The following ARL13B variants were observed in gnomAD, a reference collection of about 807,000 sequenced individuals.
The protein encoded by ARL13B is ADP-ribosylation factor-like protein 13B.
ARL13B carries 36 observed loss-of-function variants against 56.1 expected under a neutral mutation model. The observed-to-expected ratio is 0.64, with a 90% CI of 0.49 to 0.85. The LOEUF is 0.85. ARL13B is among the 40% of genes least tolerant of loss of function. The pLI is 0.00. For missense variants in ARL13B, 519 were observed against 507.1 expected (o/e 1.02, Z -0.23); for synonymous variants, 178 against 171.1 (o/e 1.04, Z -0.32).
chr3:94,031,503 G>T (rs930891087), intron 3 of ARL13B, among the ~76,000 whole-genome samples: 2 of 152,038 alleles, frequency 1.3e-5, no homozygotes, highest in African/African-American at 4.8e-5. Context: ...AAAGACTGTT[G>T]GAGTTGTACC....
chr3:94,013,508 A>G (rs547789130), intron 3 of ARL13B, among the ~76,000 whole-genome samples: 114 of 152,356 alleles, frequency 7.5e-4, no homozygotes, highest in African/African-American at 2.7e-3. Flanking sequence ...GTATGGACCC[A>G]AGTTCAAGAA....
At chr3:94,035,576 C>T in intron 4 of ARL13B, 140 bp downstream of exon 4, 1 of 612,998 alleles carries the variant, frequency 1.6e-6, no homozygotes, top group South Asian at 2.2e-5. Flanking sequence ...ATCACATTCC[C>T]ATTTTTCTGT....
rs185019274 is a variant in ARL13B at position 94,031,240 on chromosome 3, G to A, written c.381-4091G>A. 1.6e-3 allele frequency among the ~76,000 whole-genome samples: 249 copies of A among 151,660 alleles called. 1 individual carries two copies. The highest frequency in any genetic ancestry group is 6.8e-3 in the Middle Eastern group (2 of 294). On this transcript the variant is annotated intron_variant, in intron 3 of 9. Coordinates refer to ENST00000394222, the MANE Select transcript of ARL13B (RefSeq NM_001174150.2). ...TTAAGAAGCTAAGTAAAACTTGGTA[G>A]TTGATTTGAAATGAAAAAATCAACA...
In ARL13B at chr3:93,980,158, T is replaced by G; in HGVS notation, c.-266T>G. The G allele has an allele frequency of 1.6e-6, 1 of 623,220 alleles. No individual in the cohort carries two copies. The highest frequency in any genetic ancestry group is 2.9e-6 in the Non-Finnish European group (1 of 341,962). The allele number at this position is 623,220 out of a possible 1,614,324, so 38.6% of individuals were successfully genotyped here. A position where few individuals can be genotyped will look rare whatever the true frequency, so the allele number is the denominator to read the frequency against. On this transcript the variant is annotated 5_prime_UTR_variant, in exon 1 of 10. Coordinates refer to ENST00000394222, the MANE Select transcript of ARL13B (RefSeq NM_001174150.2). ...AACGTCAGCACGTCGACGCGGGGCTTTTCTTTAGCCGGGTCCCGCTAACTC... is the reference window on the plus strand; with the variant it reads ...AACGTCAGCACGTCGACGCGGGGCTGTTCTTTAGCCGGGTCCCGCTAACTC...
intron 1 of ARL13B, among the ~76,000 whole-genome samples, chr3:93,991,088 G>A (rs1189891404): frequency 1.3e-5 from 2 of 152,166 alleles, no homozygotes; most frequent in Non-Finnish European, 2.9e-5. Flanking sequence ...CAGAAAAGAT[G>A]TCTGAGGCAT....
At chr3:94,029,319 TA>T (rs2076620829) in intron 3 of ARL13B, among the ~76,000 whole-genome samples, 7 of 100,168 alleles carry the variant, frequency 7.0e-5, no homozygotes, top group African/African-American at 3.4e-4. Context: ...TATATATATA[TA>T]TATATATATA....
At chr3:94,027,734 A>G (rs955060134) in intron 3 of ARL13B, among the ~76,000 whole-genome samples, 4 of 152,060 alleles carry the variant, frequency 2.6e-5, no homozygotes, top group Admixed American at 6.6e-5. Context: ...AAATTTTTCA[A>G]ACTATCAATT....
intron 3 of ARL13B, among the ~76,000 whole-genome samples, chr3:94,024,645 G>A (rs2076518533): frequency 6.6e-6 from 1 of 152,138 alleles, no homozygotes; most frequent in African/African-American, 2.4e-5. Context: ...GAGTATAGTG[G>A]CTCAATTGCG....
At chr3:94,026,121 G>A (rs530078158) in intron 3 of ARL13B, among the ~76,000 whole-genome samples, 6 of 151,252 alleles carry the variant, frequency 4.0e-5, no homozygotes, top group South Asian at 4.2e-4. Context: ...CCGGGTTCAC[G>A]CCATTCTCCT....
At chr3:94,006,275 G>A (rs535624997) in intron 3 of ARL13B, among the ~76,000 whole-genome samples, 119 of 152,224 alleles carry the variant, frequency 7.8e-4, no homozygotes, top group African/African-American at 2.7e-3. Flanking sequence ...CAGCCTGGGC[G>A]ACAGAGCAAG....
chr3:94,010,133 G>A (rs777564071), intron 3 of ARL13B, among the ~76,000 whole-genome samples: 3 of 152,088 alleles, frequency 2.0e-5, no homozygotes, highest in Non-Finnish European at 4.4e-5. Context: ...TACTGGTGTA[G>A]GAGAAAGTGT....
intron 5 of ARL13B, 117 bp downstream of exon 5, chr3:94,036,871 TA>T (rs1379670531): frequency 8.4e-7 from 1 of 1,188,292 alleles, no homozygotes; most frequent in Non-Finnish European, 1.2e-6. Context: ...AGGAAGACAC[TA>T]GGTAAATTTT....
chr3:94,023,606 G>A (rs6777479), intron 3 of ARL13B, among the ~76,000 whole-genome samples: 6 of 151,830 alleles, frequency 4.0e-5, no homozygotes, highest in African/African-American at 1.2e-4. Flanking sequence ...GAAAAGCAAC[G>A]TCCAAATAAG....
At chr3:94,000,661 C>G (rs766881691) in intron 2 of ARL13B, among the ~76,000 whole-genome samples, 17 of 151,496 alleles carry the variant, frequency 1.1e-4, no homozygotes, top group Non-Finnish European at 2.4e-4. Context: ...ATATATTTCC[C>G]CAATAGACTA....
chr3:94,042,036 G>A (rs899858502), intron 6 of ARL13B, among the ~76,000 whole-genome samples: 9 of 152,048 alleles, frequency 5.9e-5, no homozygotes, highest in Admixed American at 2.0e-4. Flanking sequence ...CAGCCTGGGC[G>A]ACAGAGCGAG....
intron 8 of ARL13B, 140 bp downstream of exon 8, chr3:94,049,662 T>G: frequency 1.7e-6 from 1 of 581,736 alleles, no homozygotes; most frequent in Non-Finnish European, 2.9e-6. Flanking sequence ...TCTTTTACTC[T>G]GATTTGGACA....
chr3:94,015,401 G>A, intron 3 of ARL13B: 6 of 662,420 alleles, frequency 9.1e-6, no homozygotes, highest in East Asian at 2.9e-5. Flanking sequence ...TCTCAAATGA[G>A]GTTAAAAAGT....
At chr3:94,042,436 C>T (rs1019099843) in intron 6 of ARL13B, among the ~76,000 whole-genome samples, 1 of 152,076 alleles carries the variant, frequency 6.6e-6, no homozygotes, top group Non-Finnish European at 1.5e-5. Context: ...TTCATTGATA[C>T]AGAATTGGTA....
rs2076834296 is a variant in ARL13B, at chr3:94,039,948, C to T, written c.758C>T (p.Pro253Leu). The change falls in exon 6 of 10, where the codon CCA becomes CTA. Residue 253 changes from proline (P) to leucine (L), a missense_variant. Transcript: ENST00000394222. ...GGTCTGGCTGAGTTGGACCCAGAAC[C>T]AACGAATCCTTTCCAGCCAATAGCA... ...TSGLAELDPEPTNPFQPIASV... is the reference protein window; with the variant it reads ...TSGLAELDPELTNPFQPIASV... 5 of 1,613,936 alleles carry T rather than the reference C, an allele frequency of 3.1e-6. No individual in the cohort carries two copies. The highest frequency in any genetic ancestry group is 4.2e-6 in the Non-Finnish European group (5 of 1,180,004).
Sources: gnomAD v4.1 joint callset for allele counts (sites outside exome capture counted in the v4.1 genomes callset) on GRCh38, gnomAD v4.1.1 for gene constraint, MANE v1.5 for transcripts, NCBI Gene and HGNC (gene_info 2026-07-23, HGNC 2026-07-21) for gene names.